Variants in DUSP10 observed in about 807,000 individuals in gnomAD.
DUSP10 encodes dual specificity protein phosphatase 10.
DUSP10 carries 14 observed loss-of-function variants against 30.8 expected under a neutral mutation model. The ratio of observed to expected loss-of-function variants is 0.46; its 90% CI spans 0.30 to 0.71. DUSP10 has a LOEUF of 0.71. Ranked by LOEUF, DUSP10 falls within the 30% of genes least tolerant of loss-of-function variation. The pLI is 0.08. For missense variants in DUSP10, 550 were observed against 619.4 expected (o/e 0.89, Z 1.19); for synonymous variants, 254 against 250.4 (o/e 1.01, Z -0.14).
chr1:221,732,042 C>A (rs1661624354), intron 2 of DUSP10, among the ~76,000 whole-genome samples: 1 of 152,170 alleles, frequency 6.6e-6, no homozygotes, highest in African/African-American at 2.4e-5. Context: ...AACATGAACA[C>A]AATTTCCAAG....
chr1:221,702,169 G>A lies in DUSP10; in HGVS notation c.*243C>T, dbSNP rs553280031. ...CAAGTTGTATTATATTTTTATTGTT[G>A]GCTTAAAAAAATTACTTCTTTAACC... On this transcript the variant is annotated 3_prime_UTR_variant, in exon 4 of 4. Coordinates refer to ENST00000366899, the MANE Select transcript of DUSP10 (RefSeq NM_007207.6). This position sits in a 1 kb window ranked among gnomAD's most constrained non-coding sequence, Gnocchi z 4.5. 10 of 483,750 alleles carry A rather than the reference G, an allele frequency of 2.1e-5. No homozygotes were observed. In the South Asian group the frequency reaches 2.2e-4, roughly 11 times the overall value. 30.0% of individuals were successfully genotyped at this position (483,750 alleles called of 1,614,324 possible). A position where few individuals can be genotyped will look rare whatever the true frequency, so the allele number is the denominator to read the frequency against.
At chr1:221,737,276 G>C (rs112547870) in intron 2 of DUSP10, 5 of 985,228 alleles carry the variant, frequency 5.1e-6, no homozygotes, top group Admixed American at 6.1e-5. Context: ...CCTGCTCTGC[G>C]TGAGAAAAGA....
At chr1:221,711,109 C>G (rs954586727) in intron 2 of DUSP10, among the ~76,000 whole-genome samples, 1 of 152,176 alleles carries the variant, frequency 6.6e-6, no homozygotes, top group Non-Finnish European at 1.5e-5. Context: ...TCTTCTAACA[C>G]ACGGTCAGTT....
At chr1:221,738,852 G>A in intron 2 of DUSP10, 82 bp downstream of exon 2, 1 of 1,497,830 alleles carries the variant, frequency 6.7e-7, no homozygotes, top group Non-Finnish European at 9.0e-7. Context: ...CCAGGGTAAG[G>A]AGAATGCTGT....
Position 221,739,546 on chromosome 1 carries a change from A to G in DUSP10, c.199T>C (p.Ser67Pro). ...CATCCACAATTCAGCGAGCGGGCAG[A>G]GCCGCTGGATGAGGGCATATACGTC... ...NLTYMPSSSG[S>P]ARSLNCGCSS... Residue 67 changes from serine (S) to proline (P), a missense_variant, in exon 2 of 4, where the codon TCT becomes CCT. Transcript: ENST00000366899. 1 of 1,614,200 alleles carries G rather than the reference A, an allele frequency of 6.2e-7. No homozygotes were observed. The highest frequency in any genetic ancestry group is 1.1e-5 in the South Asian group (1 of 91,082).
chr1:221,728,924 G>C (rs1412914305), intron 2 of DUSP10, among the ~76,000 whole-genome samples: 1 of 152,216 alleles, frequency 6.6e-6, no homozygotes, highest in African/African-American at 2.4e-5. Flanking sequence ...CTAGGAGAAT[G>C]AATTCTAAGG....
At chr1:221,728,819 TTTTCTTTACC>T (rs1197207099) in intron 2 of DUSP10, among the ~76,000 whole-genome samples, 2 of 152,254 alleles carry the variant, frequency 1.3e-5, no homozygotes, top group Non-Finnish European at 2.9e-5. Context: ...GTACTTGTAC[TTTTCTTTACC>T]TTTGTTCATC....
chr1:221,741,150 A>G (rs2102660928), intron 1 of DUSP10, among the ~76,000 whole-genome samples: 1 of 152,258 alleles, frequency 6.6e-6, no homozygotes, highest in South Asian at 2.1e-4. Flanking sequence ...CAGATCTCCA[A>G]CGACTCGGGT....
intron 2 of DUSP10, among the ~76,000 whole-genome samples, chr1:221,730,491 G>A (rs7543535): frequency 0.021 from 3,259 of 152,228 alleles, 116 homozygotes; most frequent in African/African-American, 0.074. Context: ...GAAGAGTTGC[G>A]CTTTGTTTTG....
intron 2 of DUSP10, among the ~76,000 whole-genome samples, chr1:221,725,722 G>GC: frequency 6.6e-6 from 1 of 152,266 alleles, no homozygotes; most frequent in South Asian, 2.1e-4. Context: ...GTTTGCTTAA[G>GC]CCCCTAGAAG....
In DUSP10 at chr1:221,735,314, G is replaced by A. The variant is rs142286535; in HGVS notation, c.811+3620C>T. The stretch of plus-strand genomic sequence containing the variant: ...AGGAAGGGGGACACACAGACCCCAA[G>A]GAGGCACCTGGAGCCCTCCTACTCC... On this transcript the variant is annotated intron_variant, in intron 2 of 3. Transcript: ENST00000366899. Among the ~76,000 whole-genome samples the A allele has an allele frequency of 6.3e-3, 958 of 152,292 alleles. 10 individuals carry two copies. The highest frequency in any genetic ancestry group is 0.022 in the African/African-American group (897 of 41,562).
rs957077447 is a variant in DUSP10, at chr1:221,702,646, G to A, written c.1215C>T (p.Leu405=). ...EEAHQCGKGL[L]IHCQAGVSRS... The stretch of plus-strand genomic sequence containing the variant: ...GGGACACCCCAGCCTGGCAGTGGAT[G>A]AGAAGCCCCTTCCCACACTGGTGAG... The change falls in exon 4 of 4, where the codon CTC becomes CTT. Residue 405 remains leucine (L), a synonymous_variant. Coordinates refer to ENST00000366899, the MANE Select transcript of DUSP10 (RefSeq NM_007207.6). The surrounding 1 kb of genome is among the most constrained non-coding windows in gnomAD (Gnocchi z 4.5). 6 of 1,614,020 alleles carry A rather than the reference G, an allele frequency of 3.7e-6. No homozygotes were observed. The highest frequency in any genetic ancestry group is 2.7e-5 in the African/African-American group (2 of 74,914).
chr1:221,741,047 C>T (rs912385808), intron 1 of DUSP10, among the ~76,000 whole-genome samples: 5 of 152,200 alleles, frequency 3.3e-5, no homozygotes, highest in Non-Finnish European at 5.9e-5. Context: ...TCCGTCTACA[C>T]ACGACCGTCA....
intron 2 of DUSP10, among the ~76,000 whole-genome samples, chr1:221,734,072 T>C (rs1252315029): frequency 1.3e-5 from 2 of 152,130 alleles, no homozygotes; most frequent in African/African-American, 4.8e-5. Context: ...AACACAACCC[T>C]AGGCTCAGGA....
chr1:221,733,580 A>T (rs1343469783), intron 2 of DUSP10, among the ~76,000 whole-genome samples: 2 of 152,244 alleles, frequency 1.3e-5, no homozygotes, highest in African/African-American at 2.4e-5. Flanking sequence ...CCTGCAATGT[A>T]AGAGGTTCTT....
intron 2 of DUSP10, among the ~76,000 whole-genome samples, chr1:221,735,608 G>T (rs1439613238): frequency 6.6e-6 from 1 of 152,144 alleles, no homozygotes; most frequent in Non-Finnish European, 1.5e-5. Flanking sequence ...GTTTAATCTG[G>T]TTGATAGGTG....
intron 3 of DUSP10, among the ~76,000 whole-genome samples, chr1:221,705,035 A>G (rs1400502681): frequency 6.6e-6 from 1 of 152,104 alleles, no homozygotes; most frequent in Admixed American, 6.5e-5. Context: ...ATGGTAATAA[A>G]AGTTGAAGTT....
chr1:221,702,071 T>C lies in DUSP10; in HGVS notation c.*341A>G. 4.4e-6 allele frequency: 1 copy of C among 226,984 alleles called. No homozygotes were observed. Among genetic ancestry groups the C allele is most frequent in the Non-Finnish European group, 8.8e-6 (1 of 114,088 alleles). 14.1% of individuals were successfully genotyped at this position (226,984 alleles called of 1,614,324 possible). A position where few individuals can be genotyped will look rare whatever the true frequency, so the allele number is the denominator to read the frequency against. On this transcript the variant is annotated 3_prime_UTR_variant, in exon 4 of 4. Transcript: ENST00000366899. This position sits in a 1 kb window ranked among gnomAD's most constrained non-coding sequence, Gnocchi z 4.5. ...TAATTGGTTTAAAGTGTGTAGTATC[T>C]TCGGTCTATGAACCTGCACAGACTA...
At chr1:221,713,522 C>T (rs77515592) in intron 2 of DUSP10, among the ~76,000 whole-genome samples, 64 of 152,258 alleles carry the variant, frequency 4.2e-4, no homozygotes, top group African/African-American at 1.5e-3. Flanking sequence ...AAAGTTATCA[C>T]ACACACAACT....
Sources: allele counts gnomAD v4.1 joint callset (sites outside exome capture counted in the v4.1 genomes callset), GRCh38; gene constraint gnomAD v4.1.1; non-coding constraint Gnocchi (gnomAD v3.1); transcripts MANE v1.5; gene names NCBI Gene and HGNC (gene_info 2026-07-23, HGNC 2026-07-21).